HIRA: variants seen among roughly 807,000 people sequenced by gnomAD.
The protein encoded by HIRA is protein HIRA.
In HIRA, 13 loss-of-function variants were observed where a neutral mutation model predicts 126.6. That is an observed-to-expected ratio of 0.10 (90% confidence interval 0.07 to 0.16). The LOEUF is 0.16. HIRA is among the 10% of genes least tolerant of loss of function. HIRA has a pLI of 1.00. For missense variants in HIRA, 834 were observed against 1,314.4 expected, an observed-to-expected ratio of 0.63 and a Z score of 5.65; for synonymous variants, 511 against 520.0, an observed-to-expected ratio of 0.98 and a Z score of 0.24.
At chr22:19,431,241 C>A (rs950094461) in intron 1 of HIRA, among the ~76,000 whole-genome samples, 199 bp downstream of exon 1, 1 of 152,194 alleles carries the variant, frequency 6.6e-6, no homozygotes. Flanking sequence ...GCCCTCGCTG[C>A]GGTCAACCCG....
At chr22:19,392,716 G>A (rs965558647) in intron 8 of HIRA, among the ~76,000 whole-genome samples, 13 of 152,206 alleles carry the variant, frequency 8.5e-5, no homozygotes, top group African/African-American at 1.4e-4. Context: ...AGTCATAACC[G>A]TCTAGCAGAG....
In HIRA at chr22:19,359,325, C is replaced by A. The variant is rs370595702; in HGVS notation, c.2234+11G>T. On this transcript the variant is annotated intron_variant, in intron 18 of 24. Transcript: ENST00000263208. ...GTCACCTGGGCCGGCTAAGGACCTGCCCACCCTTACCAGCTGCCCGCAGCA... is the reference window on the plus strand; with the variant it reads ...GTCACCTGGGCCGGCTAAGGACCTGACCACCCTTACCAGCTGCCCGCAGCA... 2 of 1,558,174 alleles carry A rather than the reference C, an allele frequency of 1.3e-6. No homozygotes were observed. Among genetic ancestry groups the A allele is most frequent in the African/African-American group, 1.4e-5 (1 of 73,002 alleles).
At chr22:19,387,588 T>C in intron 11 of HIRA, 123 bp downstream of exon 11, 1 of 647,802 alleles carries the variant, frequency 1.5e-6, no homozygotes, top group Non-Finnish European at 2.7e-6. Flanking sequence ...GAATACCCCA[T>C]TACATGTTAA....
At chr22:19,381,061 C>CTTTGAG in intron 13 of HIRA, among the ~76,000 whole-genome samples, 1 of 152,156 alleles carries the variant, frequency 6.6e-6, no homozygotes, top group Non-Finnish European at 1.5e-5. Flanking sequence ...GTATGAATTT[C>CTTTGAG]TAGTTATTTC....
intron 5 of HIRA, among the ~76,000 whole-genome samples, chr22:19,400,319 T>C (rs980859798): frequency 6.6e-6 from 1 of 152,230 alleles, no homozygotes; most frequent in Admixed American, 6.5e-5. Flanking sequence ...GTGCTGTATT[T>C]GGTGAGGATT....
At chr22:19,335,947 G>C (rs782753751) in intron 24 of HIRA, among the ~76,000 whole-genome samples, 3 of 152,152 alleles carry the variant, frequency 2.0e-5, no homozygotes, top group African/African-American at 7.2e-5. Context: ...TTACTGTACT[G>C]CACTTTCTCA....
chr22:19,350,332 C>T (rs2088742049), intron 24 of HIRA, among the ~76,000 whole-genome samples: 1 of 152,248 alleles, frequency 6.6e-6, no homozygotes, highest in Middle Eastern at 3.4e-3. Context: ...AGGGGAGGTG[C>T]CCCATCAGTA....
At chr22:19,365,147 C>T (rs2088900817) in intron 15 of HIRA, among the ~76,000 whole-genome samples, 1 of 152,158 alleles carries the variant, frequency 6.6e-6, no homozygotes, top group East Asian at 1.9e-4. Context: ...CAGAGGTTGG[C>T]TCATGAAGTT....
chr22:19,364,247 C>T (rs944533442), intron 15 of HIRA, among the ~76,000 whole-genome samples: 1 of 151,744 alleles, frequency 6.6e-6, no homozygotes, highest in Non-Finnish European at 1.5e-5. Flanking sequence ...GCAAAGCAGG[C>T]ATCAGAGACA....
chr22:19,411,012 C>T (rs2089347704), intron 1 of HIRA, among the ~76,000 whole-genome samples: 1 of 152,172 alleles, frequency 6.6e-6, no homozygotes, highest in African/African-American at 2.4e-5. Context: ...TGGCTATGAG[C>T]TGTTCATGAT....
chr22:19,402,183 T>C (rs2089274369), intron 5 of HIRA, among the ~76,000 whole-genome samples: 1 of 152,240 alleles, frequency 6.6e-6, no homozygotes, highest in South Asian at 2.1e-4. Context: ...CTGTCTCTTT[T>C]ACAAGAACAA....
chr22:19,405,589 A>G, intron 5 of HIRA, 197 bp downstream of exon 5: 1 of 818,896 alleles, frequency 1.2e-6, no homozygotes, highest in Non-Finnish European at 1.5e-6. Flanking sequence ...GACTGAATGC[A>G]GCTGGAGACA....
At chr22:19,380,421 T>C (rs1362626929) in intron 13 of HIRA, among the ~76,000 whole-genome samples, 1 of 152,178 alleles carries the variant, frequency 6.6e-6, no homozygotes, top group African/African-American at 2.4e-5. Flanking sequence ...AAAATTCCCA[T>C]AAATATTCGG....
intron 15 of HIRA, among the ~76,000 whole-genome samples, chr22:19,375,326 G>A (rs1379112505): frequency 3.9e-5 from 6 of 152,090 alleles, no homozygotes; most frequent in Admixed American, 1.3e-4. Flanking sequence ...CAAACTCTGG[G>A]CTCCATCCAA....
chr22:19,410,752 G>T lies in HIRA; in HGVS notation c.64C>A (p.His22Asn). The T allele has an allele frequency of 1.2e-6, 2 of 1,613,778 alleles. No homozygotes were observed. The highest frequency in any genetic ancestry group is 1.1e-5 in the South Asian group (1 of 90,998). The change falls in exon 2 of 25, where the codon CAC becomes AAC. Residue 22 changes from histidine (H) to asparagine (N), a missense_variant. Coordinates refer to ENST00000263208, the MANE Select transcript of HIRA (RefSeq NM_003325.4). Reference sequence around the variant, plus strand: ...GTTGCGAACTTGGTCCCGTCAGGGTGAATATCAACTGAAAAAATCGGCTTG... The same window carrying T: ...GTTGCGAACTTGGTCCCGTCAGGGTTAATATCAACTGAAAAAATCGGCTTG... ...NGKPIFSVDI[H>N]PDGTKFATGG... is the part of the protein sequence containing the mutation.
intron 15 of HIRA, among the ~76,000 whole-genome samples, chr22:19,372,861 C>A (rs1329166217): frequency 6.6e-6 from 1 of 152,126 alleles, no homozygotes; most frequent in Non-Finnish European, 1.5e-5. Context: ...CGTGAGCCAC[C>A]GTGCCTGGCC....
intron 18 of HIRA, 87 bp downstream of exon 18, chr22:19,359,249 T>C: frequency 1.5e-6 from 2 of 1,370,596 alleles, no homozygotes; most frequent in Non-Finnish European, 9.6e-7. Flanking sequence ...CCCAGGGTCA[T>C]GCACCTCCCC....
chr22:19,387,583 C>A, intron 11 of HIRA, 128 bp downstream of exon 11: 1 of 628,896 alleles, frequency 1.6e-6, no homozygotes, highest in South Asian at 1.9e-5. Context: ...AAGATGAATA[C>A]CCCATTACAT....
chr22:19,399,541 G>GT (rs1282999954), intron 5 of HIRA, among the ~76,000 whole-genome samples: 2 of 152,026 alleles, frequency 1.3e-5, no homozygotes, highest in African/African-American at 2.4e-5. Flanking sequence ...GGGCCCGTGT[G>GT]TATTTGTCAC....
Sources: allele counts gnomAD v4.1 joint callset (sites outside exome capture counted in the v4.1 genomes callset), GRCh38; gene constraint gnomAD v4.1.1; transcripts MANE v1.5; gene names NCBI Gene and HGNC (gene_info 2026-07-23, HGNC 2026-07-21).